Variants in CNTN5 observed in about 807,000 individuals in gnomAD.
The protein encoded by CNTN5 is contactin 5, also known as contactin-5.
A neutral mutation model predicts 129.1 loss-of-function variants in CNTN5; 77 were observed. The observed-to-expected ratio is 0.60, with a 90% CI of 0.50 to 0.72. The LOEUF is 0.72. Ranked by LOEUF, CNTN5 falls within the 30% of genes least tolerant of loss-of-function variation. The pLI is 0.00. For missense variants in CNTN5, 1,478 were observed against 1,328.8 expected (o/e 1.11, Z -1.75); for synonymous variants, 509 against 465.6 (o/e 1.09, Z -1.20).
chr11:99,680,841 C>T (rs185907235), intron 3 of CNTN5, among the ~76,000 whole-genome samples: 27 of 151,956 alleles, frequency 1.8e-4, no homozygotes, highest in Non-Finnish European at 1.3e-4. Context: ...GATCCATAGC[C>T]TGTGATTCTG....
intron 12 of CNTN5, 148 bp from the exon 13 acceptor site, chr11:100,073,996 T>G (rs1944029592): frequency 3.1e-6 from 2 of 648,036 alleles, no homozygotes; most frequent in Non-Finnish European, 5.2e-6. Flanking sequence ...AAGTAAAATT[T>G]TGAGCTACTG....
chr11:99,184,410 A>T (rs1047664089), intron 1 of CNTN5, among the ~76,000 whole-genome samples: 1 of 152,144 alleles, frequency 6.6e-6, no homozygotes, highest in South Asian at 2.1e-4. Flanking sequence ...AAATTTCTCA[A>T]TCCTCTTGAA....
chr11:99,328,507 T>C (rs541144796), intron 2 of CNTN5, among the ~76,000 whole-genome samples: 36 of 152,278 alleles, frequency 2.4e-4, no homozygotes, highest in African/African-American at 8.2e-4. Flanking sequence ...ACTACACATA[T>C]AGTTTTTTGT....
chr11:99,522,741 A>G (rs994763803), intron 2 of CNTN5, among the ~76,000 whole-genome samples: 3 of 152,336 alleles, frequency 2.0e-5, no homozygotes, highest in Admixed American at 2.0e-4. Context: ...CATTCCAGCT[A>G]CTTTTAGGAA....
intron 1 of CNTN5, among the ~76,000 whole-genome samples, chr11:99,244,843 CT>C (rs1360806156): frequency 6.6e-6 from 1 of 152,164 alleles, no homozygotes; most frequent in Non-Finnish European, 1.5e-5. Flanking sequence ...TCAAGTACCT[CT>C]CTCCTATTCC....
At chr11:99,559,095 T>C (rs1259180330) in intron 3 of CNTN5, among the ~76,000 whole-genome samples, 2 of 152,140 alleles carry the variant, frequency 1.3e-5, no homozygotes, top group African/African-American at 4.8e-5. Context: ...TTGCCCTCAC[T>C]ATTTTAAATA....
intron 15 of CNTN5, among the ~76,000 whole-genome samples, chr11:100,221,482 C>T (rs556865259): frequency 9.2e-5 from 14 of 152,110 alleles, no homozygotes; most frequent in African/African-American, 2.9e-4. Flanking sequence ...AGAAAGAATT[C>T]GACTTGGGTG....
intron 1 of CNTN5, among the ~76,000 whole-genome samples, chr11:99,286,332 C>T (rs986289211): frequency 1.3e-5 from 2 of 152,106 alleles, no homozygotes; most frequent in Non-Finnish European, 2.9e-5. Context: ...ATCTAACATC[C>T]TGAGCTGCTA....
chr11:99,807,151 TAAAA>T (rs76001843), intron 3 of CNTN5, among the ~76,000 whole-genome samples: 1 of 151,650 alleles, frequency 6.6e-6, no homozygotes, highest in East Asian at 1.9e-4. Flanking sequence ...TTGTAGAAAG[TAAAA>T]AAAAGATAAT....
At chr11:99,836,605 G>A (rs946020799) in intron 4 of CNTN5, among the ~76,000 whole-genome samples, 11 of 152,034 alleles carry the variant, frequency 7.2e-5, no homozygotes, top group African/African-American at 2.4e-4. Context: ...GTAAACATAC[G>A]TGTGCATGTG....
At chr11:99,540,505 G>C (rs1948063378) in intron 2 of CNTN5, among the ~76,000 whole-genome samples, 1 of 152,156 alleles carries the variant, frequency 6.6e-6, no homozygotes, top group Non-Finnish European at 1.5e-5. Context: ...TTATAACATA[G>C]ATGTGGCCTG....
At chr11:99,531,303 C>T (rs557796328) in intron 2 of CNTN5, among the ~76,000 whole-genome samples, 4 of 152,172 alleles carry the variant, frequency 2.6e-5, no homozygotes, top group African/African-American at 4.8e-5. Context: ...GGGTTTCTGG[C>T]GGAAGAACTT....
chr11:99,034,966 T>G (rs199596599), intron 1 of CNTN5, among the ~76,000 whole-genome samples: 26,881 of 148,594 alleles, frequency 0.18, 1,977 homozygotes, highest in East Asian at 0.31. Context: ...TCTGGTATGT[T>G]GTGTCTTTGT....
At chr11:100,043,277 A>C (rs930274927) in intron 9 of CNTN5, among the ~76,000 whole-genome samples, 1 of 152,188 alleles carries the variant, frequency 6.6e-6, no homozygotes, top group African/African-American at 2.4e-5. Flanking sequence ...CATATTCATA[A>C]TGTCAGTAAA....
At chr11:100,167,455 G>T (rs1362853462) in intron 13 of CNTN5, among the ~76,000 whole-genome samples, 1 of 151,660 alleles carries the variant, frequency 6.6e-6, no homozygotes, top group Non-Finnish European at 1.5e-5. Context: ...CTTTATCTGG[G>T]TCAATCCTCA....
intron 2 of CNTN5, among the ~76,000 whole-genome samples, chr11:99,428,105 T>C (rs2135089721): frequency 6.6e-6 from 1 of 152,302 alleles, no homozygotes; most frequent in Non-Finnish European, 1.5e-5. Context: ...CTGTACAAAA[T>C]TTGTTCTCAT....
At chr11:100,219,210 G>A (rs1949209515) in intron 15 of CNTN5, among the ~76,000 whole-genome samples, 2 of 152,174 alleles carry the variant, frequency 1.3e-5, no homozygotes, top group Admixed American at 6.5e-5. Context: ...TGTCAAAGCT[G>A]AATTAGACAG....
chr11:99,182,822 A>T (rs2135569529), intron 1 of CNTN5, among the ~76,000 whole-genome samples: 1 of 152,346 alleles, frequency 6.6e-6, no homozygotes, highest in East Asian at 1.9e-4. Context: ...GTGTTCTAAC[A>T]TGTAATTCCT....
intron 2 of CNTN5, among the ~76,000 whole-genome samples, chr11:99,375,524 C>A (rs1352448035): frequency 6.6e-6 from 1 of 151,978 alleles, no homozygotes; most frequent in Non-Finnish European, 1.5e-5. Context: ...AATCAAAGTT[C>A]TTGGATGATA....
Sources: allele counts gnomAD v4.1 joint callset (sites outside exome capture counted in the v4.1 genomes callset), GRCh38; gene constraint gnomAD v4.1.1; transcripts MANE v1.5; gene names NCBI Gene and HGNC (gene_info 2026-07-23, HGNC 2026-07-21).